Variants in DYRK1B observed in about 807,000 individuals in gnomAD.
The protein encoded by DYRK1B is dual specificity tyrosine phosphorylation regulated kinase 1B.
A neutral mutation model predicts 57.1 loss-of-function variants in DYRK1B; 20 were observed. The observed-to-expected ratio is 0.35, with a 90% CI of 0.25 to 0.51. The LOEUF (loss-of-function observed/expected upper bound fraction) is 0.51. DYRK1B is among the 20% of genes least tolerant of loss of function. The probability of loss-of-function intolerance (pLI) is 0.96; values close to 1 mark genes in which losing one functional copy is unlikely to be tolerated. For missense variants in DYRK1B, 732 were observed against 886.3 expected, an observed-to-expected ratio of 0.83 and a Z score of 2.21; for synonymous variants, 409 against 384.7, an observed-to-expected ratio of 1.06 and a Z score of -0.74.
intron 5 of DYRK1B, among the ~76,000 whole-genome samples, chr19:39,829,030 G>T (rs754230499): frequency 6.6e-6 from 1 of 152,194 alleles, no homozygotes; most frequent in African/African-American, 2.4e-5. Context: ...TTTAAGGGAG[G>T]AGAAAGACTG....
At position 39,826,665 on chromosome 19, in the gene DYRK1B, C is replaced by T. The variant is rs1274193209; in HGVS notation, c.1411+7G>A. The T allele has an allele frequency of 6.3e-7, 1 of 1,593,590 alleles. No homozygotes were observed. Among genetic ancestry groups the T allele is most frequent in the Non-Finnish European group, 8.5e-7 (1 of 1,171,650 alleles). ...GTTGTACCCCATTTGGGCACCTGGG[C>T]ACCCACCAGAACTGGAGATGGAGCT... is the stretch of plus-strand genomic sequence containing the variant. On this transcript the variant is annotated splice_region_variant and intron_variant, in intron 9 of 10. Transcript: ENST00000323039. The surrounding 1 kb of genome is among the most constrained non-coding windows in gnomAD (Gnocchi z 6.3).
At position 39,827,302 on chromosome 19, in the gene DYRK1B, T is replaced by A; in HGVS notation, c.1078A>T (p.Thr360Ser). 6.2e-7 allele frequency: 1 copy of A among 1,611,882 alleles called. No individual in the cohort carries two copies. Among genetic ancestry groups the A allele is most frequent in the Non-Finnish European group, 8.5e-7 (1 of 1,178,386 alleles). The change falls in exon 8 of 11, where the codon ACG (threonine) becomes TCG (serine). Residue 360 changes from threonine to serine, a missense_variant. Around this residue, in one of 2 missense-constraint regions of DYRK1B, gnomAD observed 510 missense variants for 681.3 expected, o/e 0.75. Coordinates refer to ENST00000323039, the MANE Select transcript of DYRK1B (RefSeq NM_004714.3). ...GGCCGCACCTTCCTGAGTTCTTTCG[T>A]CCTTCGTAGGGTCCAGCCACCCCCA... ...LPGGGWTLRRTKELRKDYQGP... is the reference protein window; with the variant it reads ...LPGGGWTLRRSKELRKDYQGP...
Position 39,826,078 on chromosome 19 carries a change from G to C in DYRK1B, c.1527C>G (p.Pro509=). The change falls in exon 11 of 11, where the codon CCC becomes CCG. Residue 509 remains proline, a synonymous_variant. Transcript: ENST00000323039. This position sits in a 1 kb window ranked among gnomAD's most constrained non-coding sequence, Gnocchi z 6.3. ...DCEMNSPQVP[P]SQPLRPWAGG... ...CTGCCCAGGGCCGCAGCGGCTGGGA[G>C]GGTGGGACCTAAAAAAGCAAAGGAG... 2.0e-6 allele frequency: 3 copies of C among 1,524,400 alleles called. No homozygotes were observed. The highest frequency in any genetic ancestry group is 1.8e-4 in the Middle Eastern group (1 of 5,604). The allele number at this position is 1,524,400 out of a possible 1,614,324, so 94.4% of individuals were successfully genotyped here. A position where few individuals can be genotyped will look rare whatever the true frequency, so the allele number is the denominator to read the frequency against.
Position 39,828,611 on chromosome 19 carries a change from G to C in DYRK1B, c.521-28C>G. On this transcript the variant is annotated intron_variant, in intron 5 of 10. Transcript: ENST00000323039. This position sits in a 1 kb window ranked among gnomAD's most constrained non-coding sequence, Gnocchi z 4.3. ...GCGGGGGAGGGGAGGAAATGGGCCA[G>C]AGAAGAAACGGCTCAGAGAGGGCAG... The C allele has an allele frequency of 6.3e-7, 1 of 1,590,954 alleles. No individual in the cohort carries two copies. The highest frequency in any genetic ancestry group is 8.6e-7 in the Non-Finnish European group (1 of 1,164,278).
At chr19:39,831,700 C>T in intron 2 of DYRK1B, 105 bp downstream of exon 2, 4 of 1,409,442 alleles carry the variant, frequency 2.8e-6, no homozygotes, top group Non-Finnish European at 2.9e-6. Context: ...CATTATGTGC[C>T]CAGAAGAATG....
At position 39,828,240 on chromosome 19, in the gene DYRK1B, T is replaced by G; in HGVS notation, c.807+57A>C. On this transcript the variant is annotated intron_variant, in intron 6 of 10. Transcript: ENST00000323039. This position sits in a 1 kb window ranked among gnomAD's most constrained non-coding sequence, Gnocchi z 4.3. Reference sequence around the variant, plus strand: ...CCAAGCCCCGCCCCTAAGCCTCCCGTTGGCTCTGCCCCACCCAAACTACTA... The same window carrying G: ...CCAAGCCCCGCCCCTAAGCCTCCCGGTGGCTCTGCCCCACCCAAACTACTA... 5.7e-6 allele frequency: 9 copies of G among 1,570,078 alleles called. No homozygotes were observed. The highest frequency in any genetic ancestry group is 7.8e-6 in the Non-Finnish European group (9 of 1,152,002).
Position 39,829,779 on chromosome 19 carries a change from T to A in DYRK1B, c.520+101A>T, listed in dbSNP as rs190647599. ...CAGACCAAACCCTGCTCTGAAGACA[T>A]CAGCCTCCTCCTGAGAGTAGGGCGG... is the stretch of plus-strand genomic sequence containing the variant. On this transcript the variant is annotated intron_variant, in intron 5 of 10. Transcript: ENST00000323039. The A allele has an allele frequency of 1.2e-3, 1,682 of 1,366,366 alleles. 28 individuals are homozygous for A. In the East Asian group the frequency reaches 0.037, roughly 30 times the overall value. The allele number at this position is 1,366,366 out of a possible 1,614,324, so 84.6% of individuals were successfully genotyped here. A position where few individuals can be genotyped will look rare whatever the true frequency, so the allele number is the denominator to read the frequency against.
At chr19:39,832,137 G>GT (rs200724714) in intron 1 of DYRK1B, among the ~76,000 whole-genome samples, 169 bp from the exon 2 acceptor site, 3 of 99,348 alleles carry the variant, frequency 3.0e-5, no homozygotes, top group African/African-American at 1.5e-4. Context: ...TGGTAGCCAG[G>GT]TGGGGGGGGA....
At position 39,825,856 on chromosome 19, in the gene DYRK1B, G is replaced by T. The variant is rs748453719; in HGVS notation, c.1749C>A (p.Ala583=). 1 of 1,605,870 alleles carries T rather than the reference G, an allele frequency of 6.2e-7. No individual in the cohort carries two copies. The highest frequency in any genetic ancestry group is 8.5e-7 in the Non-Finnish European group (1 of 1,176,516). ...GGGCTGAGGCAGCCGGGTGCTGGGG[G>T]GCAGGCGCTGGGTGAGGTGGGGAGC... The part of the protein sequence containing the change: ...ADCSPPHPAP[A]PQHPAASALR... Residue 583 remains alanine, a synonymous_variant, in exon 11 of 11, where the codon GCC becomes GCA. Transcript: ENST00000323039.
Position 39,828,346 on chromosome 19 carries a change from C to G in DYRK1B, c.758G>C (p.Ser253Thr). The change falls in exon 6 of 11, where the codon AGC becomes ACC. Residue 253 changes from serine to threonine, a missense_variant. This residue lies in a region of DYRK1B where 510 missense variants were observed against 681.3 expected (regional missense o/e 0.75). Coordinates refer to ENST00000323039, the MANE Select transcript of DYRK1B (RefSeq NM_004714.3). The surrounding 1 kb of genome is among the most constrained non-coding windows in gnomAD (Gnocchi z 4.3). ...ENILLCNPKRSAIKIVDFGSS... is the reference protein window; with the variant it reads ...ENILLCNPKRTAIKIVDFGSS... The stretch of plus-strand genomic sequence containing the variant: ...GCCGAAGTCCACAATCTTGATGGCG[C>G]TGCGCTTGGGGTTGCACAGCAAGAT... 1 of 1,614,222 alleles carries G rather than the reference C, an allele frequency of 6.2e-7. No individual in the cohort carries two copies. Among genetic ancestry groups the G allele is most frequent in the Admixed American group, 1.7e-5 (1 of 60,032 alleles).
In DYRK1B at chr19:39,825,460, C is replaced by T. The variant is rs949432023; in HGVS notation, c.*255G>A. ...GGGTGAGGGGGGGTCTTCCCTCCAC[C>T]GGACCACCACTGTCTTTGGTACAAT... On this transcript the variant is annotated 3_prime_UTR_variant, in exon 11 of 11. Coordinates refer to ENST00000323039, the MANE Select transcript of DYRK1B (RefSeq NM_004714.3). The T allele has an allele frequency of 1.4e-5, 7 of 504,992 alleles. No homozygotes were observed. The highest frequency in any genetic ancestry group is 7.3e-5 in the Admixed American group (2 of 27,540). 31.3% of individuals were successfully genotyped at this position (504,992 alleles called of 1,614,324 possible). A position where few individuals can be genotyped will look rare whatever the true frequency, so the allele number is the denominator to read the frequency against.
chr19:39,833,225 CCT>C, intron 1 of DYRK1B: 1 of 985,830 alleles, frequency 1.0e-6, no homozygotes, highest in Non-Finnish European at 1.2e-6. Context: ...TCTCCGGGGC[CCT>C]CCCACACCAG....
At position 39,831,823 on chromosome 19, in the gene DYRK1B, C is replaced by T. The variant is rs893778749; in HGVS notation, c.45G>A (p.Gly15=). Residue 15 remains glycine (G), a synonymous_variant, in exon 2 of 11, where the codon GGG becomes GGA. Coordinates refer to ENST00000323039, the MANE Select transcript of DYRK1B (RefSeq NM_004714.3). ...CGCGTACCTGCGTGTGCTCCTGGGG[C>T]CCTGGGAAGCCAGAGAAGGGACCAT... ...PGHGPFSGFP[G]PQEHTQVLPD... 7 of 1,544,324 alleles carry T rather than the reference C, an allele frequency of 4.5e-6. No homozygotes were observed. The African/African-American group carries it at 9.6e-5, about 21-fold the overall frequency.
intron 1 of DYRK1B, 21 bp from the exon 2 acceptor site, chr19:39,831,989 G>A: frequency 7.1e-7 from 1 of 1,417,846 alleles, no homozygotes; most frequent in East Asian, 2.7e-5. Flanking sequence ...ACAGGAAGTG[G>A]GAAAACAACA....
rs766827263 is a variant in DYRK1B, at chr19:39,830,710, C to T, written c.137G>A (p.Arg46His). 4.3e-6 allele frequency: 7 copies of T among 1,614,026 alleles called. No homozygotes were observed. The highest frequency in any genetic ancestry group is 1.3e-5 in the African/African-American group (1 of 74,914). ...AFRDATSAPLRKLSVDLIKTY... is the reference protein window; with the variant it reads ...AFRDATSAPLHKLSVDLIKTY... ...CTTGATGAGGTCCACAGAGAGCTTA[C>T]GCAGCGGGGCTGAGGTTGCATCCCG... is the stretch of plus-strand genomic sequence containing the variant. Residue 46 changes from arginine (R) to histidine (H), a missense_variant, in exon 3 of 11, where the codon CGT becomes CAT. Arg to His is a conservative substitution (Grantham distance 29). Coordinates refer to ENST00000323039, the MANE Select transcript of DYRK1B (RefSeq NM_004714.3).
Position 39,830,661 on chromosome 19 carries a change from C to T in DYRK1B, c.183+3G>A. ...AGCCCAGGATCCCCCAGCCCCTGCC[C>T]ACCTCATTGATGTGCTTGTAGGTCT... On this transcript the variant is annotated splice_donor_region_variant and intron_variant, in intron 3 of 10. Transcript: ENST00000323039. 4.3e-6 allele frequency: 7 copies of T among 1,613,608 alleles called. No homozygotes were observed. The highest frequency in any genetic ancestry group is 5.9e-6 in the Non-Finnish European group (7 of 1,179,682).
chr19:39,832,014 A>ACCCTCACCACCCATGCC, intron 1 of DYRK1B, 46 bp from the exon 2 acceptor site: 1 of 1,402,408 alleles, frequency 7.1e-7, no homozygotes. Flanking sequence ...ACAAGGGGAT[A>ACCCTCACCACCCATGCC]TGTGAATAGT....
chr19:39,827,715 C>G, intron 6 of DYRK1B, 59 bp from the exon 7 acceptor site: 5 of 1,580,324 alleles, frequency 3.2e-6, no homozygotes, highest in Non-Finnish European at 4.3e-6. Context: ...ACTGACACCC[C>G]CAAAGCTAAG....
intron 1 of DYRK1B, chr19:39,833,372 G>A (rs1323138440): frequency 4.1e-6 from 4 of 984,994 alleles, no homozygotes; most frequent in Non-Finnish European, 4.8e-6. Context: ...CTGAAAAGGC[G>A]ACCGCCTGTC....
Sources: gnomAD v4.1 joint callset for allele counts (sites outside exome capture counted in the v4.1 genomes callset) on GRCh38, gnomAD v4.1.1 for gene constraint, gnomAD v4.1.1 regional missense constraint, Gnocchi (gnomAD v3.1) non-coding constraint, MANE v1.5 for transcripts, NCBI Gene and HGNC (gene_info 2026-07-23, HGNC 2026-07-21) for gene names.